The following FBLN7 variants were observed in gnomAD, a reference collection of about 807,000 sequenced individuals.
FBLN7 encodes the protein fibulin 7.
FBLN7 carries 31 observed loss-of-function variants against 44.0 expected under a neutral mutation model. That is an observed-to-expected ratio of 0.70 (90% confidence interval 0.53 to 0.95). The LOEUF is 0.95. FBLN7 is among the 40% of genes least tolerant of loss of function. FBLN7 has a pLI of 0.00. For synonymous variants in FBLN7, 262 were observed against 253.4 expected, an observed-to-expected ratio of 1.03 and a Z score of -0.32; for missense variants, 573 against 618.5, an observed-to-expected ratio of 0.93 and a Z score of 0.78.
At chr2:112,192,892 G>T (rs998535148), downstream of FBLN7, among the ~76,000 whole-genome samples, 1 of 152,202 alleles carries the variant, frequency 6.6e-6, no homozygotes, top group Admixed American at 6.5e-5. Context: ...CAGTGGATAA[G>T]ATTGCTGAAG....
At chr2:112,144,888 A>G (rs1573760800) in intron 1 of FBLN7, among the ~76,000 whole-genome samples, 1 of 152,316 alleles carries the variant, frequency 6.6e-6, no homozygotes, top group African/African-American at 2.4e-5. Flanking sequence ...GTTTTGGGCA[A>G]TTGTGAATAC....
Position 112,182,791 on chromosome 2 carries a change from A to C in FBLN7, c.671A>C (p.Asp224Ala). Reference protein sequence around the residue: ...SGAAGDSVCQDVNECELYGQE... With the variant: ...SGAAGDSVCQAVNECELYGQE... ...TCACAGTGAGCACTTCTGTCTGCAG[A>C]CGTGAACGAGTGTGAGCTCTACGGG... The change falls in exon 6 of 8, where the codon GAC (aspartate) becomes GCC (alanine). Residue 224 changes from aspartate (D) to alanine (A), a missense_variant and splice_region_variant. By Grantham distance (126) the Asp-to-Ala change is moderately radical. Coordinates refer to ENST00000331203, the MANE Select transcript of FBLN7 (RefSeq NM_153214.3). The C allele has an allele frequency of 6.3e-7, 1 of 1,597,554 alleles. No individual in the cohort carries two copies. Among genetic ancestry groups the C allele is most frequent in the African/African-American group, 1.3e-5 (1 of 74,272 alleles).
downstream of FBLN7, among the ~76,000 whole-genome samples, chr2:112,191,979 A>T (rs1683504632): frequency 6.6e-6 from 1 of 152,062 alleles, no homozygotes; most frequent in Non-Finnish European, 1.5e-5. Flanking sequence ...TTATCCTTCC[A>T]TTTAAGCAAT....
chr2:112,159,755 C>T lies in FBLN7; in HGVS notation c.155C>T (p.Ala52Val), dbSNP rs1681628055. ...QLLKGQETRFAEGIRHMKSRL... is the reference protein window; with the variant it reads ...QLLKGQETRFVEGIRHMKSRL... ...CTGAAGGGCCAGGAGACACGCTTCG[C>T]CGAGGGCATCCGCCACATGAAGAGC... The change falls in exon 2 of 8, where the codon GCC becomes GTC. Residue 52 changes from alanine (A) to valine (V), a missense_variant. Physicochemically the swap from Ala to Val is moderately conservative, Grantham distance 64. Transcript: ENST00000331203. The T allele has an allele frequency of 3.1e-6, 5 of 1,605,116 alleles. No individual in the cohort carries two copies. In the East Asian group the frequency reaches 1.1e-4, roughly 37 times the overall value.
the FBLN7 span, chr2:112,236,817 C>CTGGTGGATCACTTG: frequency 1.1e-6 from 1 of 903,756 alleles, no homozygotes; most frequent in Non-Finnish European, 1.6e-6. Context: ...GAGGCTGAGG[C>CTGGTGGATCACTTG]AGGAGGACTG....
chr2:112,206,788 A>C, the FBLN7 span, among the ~76,000 whole-genome samples: 1 of 145,080 alleles, frequency 6.9e-6, no homozygotes, highest in Non-Finnish European at 1.5e-5. Flanking sequence ...ACTGGAGTGC[A>C]GTGGCACAAT....
intron 3 of FBLN7, 53 bp downstream of exon 3, chr2:112,165,224 G>C: frequency 6.4e-7 from 1 of 1,563,652 alleles, no homozygotes; most frequent in Non-Finnish European, 8.7e-7. Context: ...AGTATAGCAA[G>C]GGTTTCTTGC....
intron 1 of FBLN7, among the ~76,000 whole-genome samples, chr2:112,147,174 C>T (rs1408677319): frequency 2.6e-5 from 4 of 152,088 alleles, no homozygotes; most frequent in Admixed American, 2.6e-4. Flanking sequence ...ACCATGTGGG[C>T]CTGGAGACTT....
chr2:112,223,619 T>C, the FBLN7 span, among the ~76,000 whole-genome samples: 147 of 152,260 alleles, frequency 9.7e-4, no homozygotes, highest in South Asian at 5.2e-3. Flanking sequence ...AAGAAAAATG[T>C]ATAGGTTTAG....
intron 3 of FBLN7, among the ~76,000 whole-genome samples, chr2:112,174,916 A>G (rs541380636): frequency 3.3e-5 from 5 of 152,140 alleles, no homozygotes; most frequent in African/African-American, 1.2e-4. Flanking sequence ...TTTTTTTTCT[A>G]ATTAAAAAAA....
Position 112,165,061 on chromosome 2 carries a change from T to A in FBLN7, c.296T>A (p.Val99Glu), listed in dbSNP as rs147767836. ...AGAAAGTTTGGAAGCAAGTACTTAG[T>A]GGATCACGAAGTCCATTTTACCTGC... Reference protein sequence around the residue: ...DGRKFGSKYLVDHEVHFTCNP... With the variant: ...DGRKFGSKYLEDHEVHFTCNP... The change falls in exon 3 of 8, where the codon GTG (valine) becomes GAG (glutamate). Residue 99 changes from valine (V) to glutamate (E), a missense_variant. By Grantham distance (121) the Val-to-Glu change is moderately radical. Transcript: ENST00000331203. 2.0e-3 allele frequency: 3,158 copies of A among 1,614,136 alleles called. 33 individuals carry two copies. The highest frequency in any genetic ancestry group is 0.01 in the South Asian group (925 of 91,076).
At chr2:112,160,660 G>T (rs62158703) in intron 2 of FBLN7, among the ~76,000 whole-genome samples, 1 of 21,870 alleles carries the variant, frequency 4.6e-5, no homozygotes, top group Non-Finnish European at 1.0e-4. Context: ...ACGCACACGC[G>T]CACGCACACG....
chr2:112,173,279 G>T (rs1468591813), intron 3 of FBLN7, among the ~76,000 whole-genome samples: 1 of 151,876 alleles, frequency 6.6e-6, no homozygotes, highest in Non-Finnish European at 1.5e-5. Flanking sequence ...TTCCTTAGAG[G>T]ATATTATAAA....
rs536086320 is a variant in FBLN7 at position 112,159,870 on chromosome 2, C to T, written c.235+35C>T. On this transcript the variant is annotated intron_variant, in intron 2 of 7. Transcript: ENST00000331203. ...CACGTCGGCACCGCTGGGGCGGCAG[C>T]GCAGCACTCGAGCACTCTCCCCGAG... 3.7e-5 allele frequency: 55 copies of T among 1,486,320 alleles called. No individual in the cohort carries two copies. In the African/African-American group the frequency reaches 5.7e-4, roughly 15 times the overall value. The allele number at this position is 1,486,320 out of a possible 1,614,324, so 92.1% of individuals were successfully genotyped here.
Position 112,181,352 on chromosome 2 carries a change from T to TACAC in FBLN7, c.533-375_533-372dup, listed in dbSNP as rs755506333. 3.3e-5 allele frequency among the ~76,000 whole-genome samples: 5 copies of TACAC among 151,790 alleles called. No individual in the cohort carries two copies. The South Asian group carries it at 6.3e-4, about 19-fold the overall frequency. On this transcript the variant is annotated intron_variant, in intron 4 of 7. Coordinates refer to ENST00000331203, the MANE Select transcript of FBLN7 (RefSeq NM_153214.3). ...AAATTAAAAATAATAAAATAAAGAA[T>TACAC]ACACACACACACACAAAGAAACAAA...
At chr2:112,183,818 A>C (rs768909094) in intron 6 of FBLN7, among the ~76,000 whole-genome samples, 16 of 152,134 alleles carry the variant, frequency 1.1e-4, no homozygotes, top group Non-Finnish European at 2.2e-4. Context: ...TGTCTGCAGC[A>C]GGGATGGGAG....
intron 3 of FBLN7, among the ~76,000 whole-genome samples, chr2:112,166,876 C>T (rs937557018): frequency 1.3e-5 from 2 of 152,206 alleles, no homozygotes; most frequent in African/African-American, 2.4e-5. Context: ...GGGGTGCACC[C>T]CCACATCTGA....
At chr2:112,192,313 C>T (rs575120901), downstream of FBLN7, among the ~76,000 whole-genome samples, 6 of 152,206 alleles carry the variant, frequency 3.9e-5, no homozygotes, top group African/African-American at 1.4e-4. Context: ...ATTCTTGTTC[C>T]TGAATCAAAG....
the FBLN7 span, among the ~76,000 whole-genome samples, chr2:112,194,949 G>T: frequency 6.6e-6 from 1 of 152,324 alleles, no homozygotes; most frequent in South Asian, 2.1e-4. Flanking sequence ...CAATGTGGGT[G>T]GTGCTGCAGG....
Sources: allele counts gnomAD v4.1 joint callset (sites outside exome capture counted in the v4.1 genomes callset), GRCh38; gene constraint gnomAD v4.1.1; transcripts MANE v1.5; gene names NCBI Gene and HGNC (gene_info 2026-07-23, HGNC 2026-07-21).